Variants in AP4S1 observed in about 807,000 individuals in gnomAD.
AP4S1 encodes AP-4 complex subunit sigma-1.
In AP4S1, 23 loss-of-function variants were observed where a neutral mutation model predicts 19.8. The observed-to-expected ratio is 1.16, with a 90% CI of 0.84 to 1.65. The LOEUF (loss-of-function observed/expected upper bound fraction) is 1.65. Among genes scored for constraint, AP4S1 ranks in the 40% most tolerant of loss-of-function variants. The probability of loss-of-function intolerance (pLI) is 0.00; values close to 1 mark genes in which losing one functional copy is unlikely to be tolerated. For missense variants in AP4S1, 166 were observed against 172.8 expected (o/e 0.96, Z 0.22); for synonymous variants, 46 against 54.1 (o/e 0.85, Z 0.66).
At chr14:31,028,037 A>G (rs17097669) in intron 1 of AP4S1, among the ~76,000 whole-genome samples, 34,754 of 152,144 alleles carry the variant, frequency 0.23, 4,317 homozygotes, top group South Asian at 0.32. Context: ...TTATTTTATC[A>G]CATCTGCTTT....
intron 1 of AP4S1, among the ~76,000 whole-genome samples, chr14:31,039,585 T>G (rs988993601): frequency 4.0e-5 from 6 of 150,656 alleles, no homozygotes; most frequent in Admixed American, 2.0e-4. Context: ...TTTTTTTTTT[T>G]TTTTTGAGAC....
At chr14:31,058,526 T>G (rs957661311) in intron 1 of AP4S1, among the ~76,000 whole-genome samples, 11 of 69,852 alleles carry the variant, frequency 1.6e-4, no homozygotes, top group African/African-American at 7.0e-4. Context: ...TCTGTGTGTG[T>G]ATGTGTGTGT....
chr14:31,067,071 CG>C (rs754801248), intron 2 of AP4S1, among the ~76,000 whole-genome samples: 3 of 151,912 alleles, frequency 2.0e-5, no homozygotes, highest in Non-Finnish European at 4.4e-5. Context: ...ATTAGCTGGG[CG>C]TAATTGTGCA....
intron 4 of AP4S1, among the ~76,000 whole-genome samples, chr14:31,077,046 C>T (rs997114778): frequency 2.0e-5 from 3 of 152,196 alleles, no homozygotes; most frequent in African/African-American, 7.2e-5. Flanking sequence ...TCTCATGCCT[C>T]AGCCCCCCAA....
intron 5 of AP4S1, among the ~76,000 whole-genome samples, chr14:31,086,866 A>T (rs1192344501): frequency 6.6e-6 from 1 of 151,792 alleles, no homozygotes; most frequent in Admixed American, 6.6e-5. Context: ...TAATGTAAAA[A>T]AATTTTTTTA....
At chr14:31,056,578 C>T (rs539099091) in intron 1 of AP4S1, among the ~76,000 whole-genome samples, 8 of 151,582 alleles carry the variant, frequency 5.3e-5, no homozygotes, top group South Asian at 2.1e-4. Context: ...ACACTGGTCT[C>T]GAACTCCTGA....
intron 4 of AP4S1, among the ~76,000 whole-genome samples, chr14:31,078,961 G>A (rs1443456632): frequency 6.6e-6 from 1 of 152,172 alleles, no homozygotes; most frequent in Non-Finnish European, 1.5e-5. Flanking sequence ...CATTCTTTCT[G>A]TGGCTATTTT....
At chr14:31,043,525 C>T (rs7142712) in intron 1 of AP4S1, among the ~76,000 whole-genome samples, 8,169 of 152,140 alleles carry the variant, frequency 0.054, 281 homozygotes, top group African/African-American at 0.089. Context: ...GAGAATCTTA[C>T]CTACACTGGA....
intron 2 of AP4S1, 21 bp from the exon 3 acceptor site, chr14:31,069,822 A>G (rs370458778): frequency 2.4e-5 from 38 of 1,562,162 alleles, no homozygotes; most frequent in Non-Finnish European, 3.1e-5. Flanking sequence ...AGGAATTAAT[A>G]TCTCATTGTG....
chr14:31,082,857 C>T (rs997050518), intron 5 of AP4S1, among the ~76,000 whole-genome samples: 2 of 151,002 alleles, frequency 1.3e-5, no homozygotes, highest in Non-Finnish European at 2.9e-5. Context: ...GATTGCGCCA[C>T]TGCACTCCAG....
chr14:31,026,734 C>G (rs939142540), intron 1 of AP4S1: 3 of 152,336 alleles, frequency 2.0e-5, no homozygotes, highest in African/African-American at 7.2e-5. Flanking sequence ...TTTAGCAGGC[C>G]GTCCCCGGGC....
At chr14:31,050,000 C>A (rs1042100355) in intron 1 of AP4S1, among the ~76,000 whole-genome samples, 2 of 152,204 alleles carry the variant, frequency 1.3e-5, no homozygotes, top group Non-Finnish European at 2.9e-5. Context: ...CGGCTCACTG[C>A]AACCTCCACT....
At chr14:31,071,516 G>A (rs565979614) in intron 3 of AP4S1, among the ~76,000 whole-genome samples, 1 of 152,284 alleles carries the variant, frequency 6.6e-6, no homozygotes, top group South Asian at 2.1e-4. Flanking sequence ...TGCCTCCTGG[G>A]TTCAAGCGAT....
intron 1 of AP4S1, among the ~76,000 whole-genome samples, chr14:31,062,351 G>A (rs972323798): frequency 3.3e-5 from 5 of 151,740 alleles, no homozygotes; most frequent in African/African-American, 4.8e-5. Context: ...CGCCCTCCTC[G>A]GCCTCCCAAA....
At chr14:31,055,584 T>G (rs1886062025) in intron 1 of AP4S1, among the ~76,000 whole-genome samples, 1 of 152,212 alleles carries the variant, frequency 6.6e-6, no homozygotes, top group Non-Finnish European at 1.5e-5. Flanking sequence ...CAGGCTCCAG[T>G]TCATGCTCTT....
intron 1 of AP4S1, among the ~76,000 whole-genome samples, chr14:31,041,101 T>G (rs1885085359): frequency 1.3e-5 from 2 of 151,704 alleles, no homozygotes; most frequent in South Asian, 4.2e-4. Context: ...GTACGCAAAT[T>G]AAATGTATCA....
intron 1 of AP4S1, among the ~76,000 whole-genome samples, chr14:31,048,382 A>G (rs932776340): frequency 2.0e-5 from 3 of 151,940 alleles, no homozygotes; most frequent in Non-Finnish European, 4.4e-5. Flanking sequence ...GATTACAGGG[A>G]TTACAGGCAT....
At chr14:31,067,208 C>CAAAAAAA (rs55659438) in intron 2 of AP4S1, among the ~76,000 whole-genome samples, 1 of 140,592 alleles carries the variant, frequency 7.1e-6, no homozygotes. Context: ...AACTCTGTCT[C>CAAAAAAA]AAAAAAAAAA....
intron 1 of AP4S1, among the ~76,000 whole-genome samples, chr14:31,064,826 A>G (rs1466296375): frequency 6.6e-6 from 1 of 152,314 alleles, no homozygotes; most frequent in African/African-American, 2.4e-5. Flanking sequence ...GTGATGGTGC[A>G]TGCCTATAAT....
Sources: allele counts gnomAD v4.1 joint callset (sites outside exome capture counted in the v4.1 genomes callset), GRCh38; gene constraint gnomAD v4.1.1; transcripts MANE v1.5; gene names NCBI Gene and HGNC (gene_info 2026-07-23, HGNC 2026-07-21).